The following CDH18 variants were observed in gnomAD, a reference collection of about 807,000 sequenced individuals.
CDH18 encodes the protein cadherin-18.
In CDH18, 31 loss-of-function variants were observed where a neutral mutation model predicts 67.9. The ratio of observed to expected loss-of-function variants is 0.46; its 90% confidence interval spans 0.34 to 0.62. The LOEUF (loss-of-function observed/expected upper bound fraction) is 0.62, where lower values mean the gene tolerates loss of function less well. CDH18 is among the 20% of genes least tolerant of loss of function. CDH18 has a pLI of 0.01. For synonymous variants in CDH18, 362 were observed against 347.2 expected (o/e 1.04, Z -0.48); for missense variants, 890 against 975.5 (o/e 0.91, Z 1.17).
intron 3 of CDH18, among the ~76,000 whole-genome samples, chr5:19,811,921 A>T (rs1778784365): frequency 6.6e-6 from 1 of 152,332 alleles, no homozygotes; most frequent in South Asian, 2.1e-4. Flanking sequence ...ATAAACAATA[A>T]GGAAATCAAA....
chr5:19,661,841 A>C (rs1757225600), intron 5 of CDH18, among the ~76,000 whole-genome samples: 1 of 152,086 alleles, frequency 6.6e-6, no homozygotes, highest in Admixed American at 6.6e-5. Flanking sequence ...TCTATCCTTA[A>C]ATTTGGGGAA....
At chr5:20,371,443 C>G (rs943813798) in intron 1 of CDH18, among the ~76,000 whole-genome samples, 1 of 152,118 alleles carries the variant, frequency 6.6e-6, no homozygotes, top group South Asian at 2.1e-4. Context: ...CAATGGGAGA[C>G]TTTCTTTGGA....
chr5:19,848,946 T>A (rs937624910), intron 2 of CDH18, among the ~76,000 whole-genome samples: 1 of 150,078 alleles, frequency 6.7e-6, no homozygotes, highest in Non-Finnish European at 1.5e-5. Context: ...TGTGTATATA[T>A]ACACACACAC....
At chr5:19,652,487 C>T (rs1288007693) in intron 5 of CDH18, among the ~76,000 whole-genome samples, 1 of 151,732 alleles carries the variant, frequency 6.6e-6, no homozygotes, top group African/African-American at 2.4e-5. Context: ...TATGTGCAGA[C>T]ATGATATTTA....
At chr5:20,180,608 A>C (rs1737609147) in intron 2 of CDH18, among the ~76,000 whole-genome samples, 1 of 152,150 alleles carries the variant, frequency 6.6e-6, no homozygotes, top group Non-Finnish European at 1.5e-5. Flanking sequence ...CTTCATCCCC[A>C]TGTGACCATC....
chr5:19,979,597 A>T (rs1798839963), intron 2 of CDH18, among the ~76,000 whole-genome samples: 1 of 152,188 alleles, frequency 6.6e-6, no homozygotes, highest in South Asian at 2.1e-4. Context: ...TTTTAAAAGA[A>T]TTAGTACTAA....
chr5:19,608,831 T>C (rs1475449148), intron 6 of CDH18, among the ~76,000 whole-genome samples: 1 of 151,750 alleles, frequency 6.6e-6, no homozygotes, highest in African/African-American at 2.4e-5. Flanking sequence ...TATTGGAGGA[T>C]CAAGCCCTAA....
At chr5:19,564,735 G>A (rs1386895722) in intron 8 of CDH18, among the ~76,000 whole-genome samples, 1 of 152,108 alleles carries the variant, frequency 6.6e-6, no homozygotes, top group East Asian at 1.9e-4. Context: ...GACCACAGAG[G>A]GGTGGAGCAT....
intron 1 of CDH18, among the ~76,000 whole-genome samples, chr5:20,377,846 C>T (rs1452937435): frequency 1.3e-5 from 2 of 152,162 alleles, no homozygotes; most frequent in Admixed American, 1.3e-4. Context: ...GATAAAGATG[C>T]TATGACTCAG....
At chr5:20,035,578 C>G (rs920543341) in intron 2 of CDH18, among the ~76,000 whole-genome samples, 14 of 151,894 alleles carry the variant, frequency 9.2e-5, no homozygotes, top group Non-Finnish European at 8.8e-5. Context: ...ATTTATAAAA[C>G]CATCAGATCT....
intron 1 of CDH18, among the ~76,000 whole-genome samples, chr5:20,408,341 TA>T (rs2150139793): frequency 6.6e-6 from 1 of 152,118 alleles, no homozygotes; most frequent in Non-Finnish European, 1.5e-5. Context: ...TTGGTAGAGG[TA>T]AAAATATAGA....
At chr5:20,551,093 G>A (rs1561122342) in intron 1 of CDH18, among the ~76,000 whole-genome samples, 2 of 152,236 alleles carry the variant, frequency 1.3e-5, no homozygotes, top group East Asian at 1.9e-4. Flanking sequence ...CAATAAAAAC[G>A]TGCTAAAATA....
Position 20,356,747 on chromosome 5 carries a change from C to A in CDH18, c.-579-101242G>T, listed in dbSNP as rs1235975802. On this transcript the variant is annotated intron_variant, in intron 1 of 14. Transcript: ENST00000507958. Reference sequence around the variant, plus strand: ...TCTCTCTCTCTCTCTCTCTCTCTCTCTCTCTCTATATATATATATATATAC... The same window carrying A: ...TCTCTCTCTCTCTCTCTCTCTCTCTATCTCTCTATATATATATATATATAC... 8.4e-3 allele frequency among the ~76,000 whole-genome samples: 1,121 copies of A among 133,680 alleles called. 7 individuals are homozygous for A. The highest frequency in any genetic ancestry group is 0.019 in the East Asian group (76 of 3,908). The allele number at this position is 133,680 out of a possible 152,430, so 87.7% of individuals were successfully genotyped here. A position where few individuals can be genotyped will look rare whatever the true frequency, so the allele number is the denominator to read the frequency against.
intron 1 of CDH18, among the ~76,000 whole-genome samples, chr5:20,574,200 AGT>A (rs1034269818): frequency 2.6e-5 from 4 of 151,812 alleles, no homozygotes; most frequent in South Asian, 2.1e-4. Context: ...GTCATAAAAT[AGT>A]GTTTTTTTAA....
rs1554098729 is a variant in CDH18 at position 20,172,209 on chromosome 5, T to TATAC, written c.-518+83234_-518+83235insGTAT. 3.1e-3 allele frequency among the ~76,000 whole-genome samples: 204 copies of TATAC among 66,460 alleles called. 14 individuals are homozygous for TATAC. In the East Asian group the frequency reaches 0.041, roughly 13 times the overall value. The allele number at this position is 66,460 out of a possible 152,430, so 43.6% of individuals were successfully genotyped here. On this transcript the variant is annotated intron_variant, in intron 2 of 14. Transcript: ENST00000507958. ...TTGTGTGTATATATATATATATATA[T>TATAC]ATATATATATATATGTATATATATA... is the stretch of plus-strand genomic sequence containing the variant.
chr5:20,527,809 GT>G (rs1257156823), intron 1 of CDH18, among the ~76,000 whole-genome samples: 1 of 151,982 alleles, frequency 6.6e-6, no homozygotes, highest in African/African-American at 2.4e-5. Context: ...CAAAAACACA[GT>G]GAAGTACACA....
chr5:20,574,547 ATTCT>A (rs1439097923), intron 1 of CDH18, among the ~76,000 whole-genome samples: 1 of 152,072 alleles, frequency 6.6e-6, no homozygotes, highest in East Asian at 1.9e-4. Context: ...CATTAAATAA[ATTCT>A]TTCTGTCACA....
intron 1 of CDH18, among the ~76,000 whole-genome samples, chr5:20,317,594 T>C (rs1737591660): frequency 6.6e-6 from 1 of 152,190 alleles, no homozygotes; most frequent in African/African-American, 2.4e-5. Flanking sequence ...GAGATAGTCA[T>C]GTGCTTTGAA....
intron 2 of CDH18, among the ~76,000 whole-genome samples, chr5:19,950,388 T>C (rs1167105816): frequency 2.6e-5 from 4 of 151,892 alleles, no homozygotes; most frequent in African/African-American, 9.7e-5. Flanking sequence ...TGGGAGTGGG[T>C]TGAGGGATAA....
Sources: gnomAD v4.1 joint callset for allele counts (sites outside exome capture counted in the v4.1 genomes callset) on GRCh38, gnomAD v4.1.1 for gene constraint, MANE v1.5 for transcripts, NCBI Gene and HGNC (gene_info 2026-07-23, HGNC 2026-07-21) for gene names.